The following SLIT3 variants were observed in gnomAD, a reference collection of about 807,000 sequenced individuals.
SLIT3 encodes slit guidance ligand 3.
Under a neutral mutation model 184.0 loss-of-function variants are expected in SLIT3, and 68 were observed. That is an observed-to-expected ratio of 0.37 (90% CI 0.30 to 0.45). The LOEUF (loss-of-function observed/expected upper bound fraction) is 0.45, where lower values mean the gene tolerates loss of function less well. SLIT3 is among the 20% of genes least tolerant of loss of function. The pLI is 1.00. For missense variants in SLIT3, 1,707 were observed against 2,026.0 expected, an observed-to-expected ratio of 0.84 and a Z score of 3.02; for synonymous variants, 831 against 828.6, an observed-to-expected ratio of 1.00 and a Z score of -0.05.
chr5:168,959,724 A>T (rs147276856), intron 4 of SLIT3, among the ~76,000 whole-genome samples: 11 of 151,898 alleles, frequency 7.2e-5, no homozygotes, highest in African/African-American at 1.9e-4. Flanking sequence ...CCAGGCCCCA[A>T]CTCTTTGTCT....
chr5:168,907,325 A>G lies in SLIT3; in HGVS notation c.414-23989T>C, dbSNP rs540867188. On this transcript the variant is annotated intron_variant, in intron 4 of 35. Coordinates refer to ENST00000519560, the MANE Select transcript of SLIT3 (RefSeq NM_003062.4). ...AAGGCCTCACACTGACAGGCTGACCATAAGAGCCTAATTCCTTTCTATCCT... is the reference window on the plus strand; with the variant it reads ...AAGGCCTCACACTGACAGGCTGACCGTAAGAGCCTAATTCCTTTCTATCCT... Among the ~76,000 whole-genome samples the G allele has an allele frequency of 3.3e-5, 5 of 152,364 alleles. No homozygotes were observed. The South Asian group carries it at 8.3e-4, about 25-fold the overall frequency.
chr5:168,923,427 C>T (rs949340423), intron 4 of SLIT3, among the ~76,000 whole-genome samples: 77 of 152,128 alleles, frequency 5.1e-4, no homozygotes, highest in African/African-American at 1.8e-3. Context: ...CTACTCAAAT[C>T]CCTCTGCTTC....
At chr5:168,892,031 T>C (rs1387962983) in intron 4 of SLIT3, among the ~76,000 whole-genome samples, 1 of 152,204 alleles carries the variant, frequency 6.6e-6, no homozygotes. Context: ...CCAGTGAGGA[T>C]GCAGAGACTG....
At chr5:169,226,328 T>C (rs1187172984) in intron 3 of SLIT3, among the ~76,000 whole-genome samples, 1 of 152,062 alleles carries the variant, frequency 6.6e-6, no homozygotes, top group African/African-American at 2.4e-5. Flanking sequence ...CTTCGACTCC[T>C]CTGCAGCCCC....
At chr5:168,783,486 T>A (rs1368870028) in intron 12 of SLIT3, among the ~76,000 whole-genome samples, 1 of 152,134 alleles carries the variant, frequency 6.6e-6, no homozygotes, top group African/African-American at 2.4e-5. Flanking sequence ...ACCGCCAGCA[T>A]CACAGCAAGT....
At chr5:168,907,975 T>TAGAGAGAGAGAG (rs1421951059) in intron 4 of SLIT3, among the ~76,000 whole-genome samples, 18 of 64,646 alleles carry the variant, frequency 2.8e-4, no homozygotes, top group African/African-American at 7.3e-4. Flanking sequence ...TATATATATA[T>TAGAGAGAGAGAG]ATATAGAGAG....
At chr5:169,168,690 A>AC (rs1372423977) in intron 4 of SLIT3, among the ~76,000 whole-genome samples, 3 of 152,200 alleles carry the variant, frequency 2.0e-5, no homozygotes, top group African/African-American at 4.8e-5. Context: ...CGAGATTCAG[A>AC]CCCAGATCTG....
intron 3 of SLIT3, among the ~76,000 whole-genome samples, chr5:169,237,811 A>T (rs1765255770): frequency 6.6e-6 from 1 of 152,176 alleles, no homozygotes; most frequent in Non-Finnish European, 1.5e-5. Context: ...TATTTTGCAT[A>T]TAAATTCTTT....
intron 4 of SLIT3, among the ~76,000 whole-genome samples, chr5:168,979,783 C>T (rs2113351789): frequency 6.6e-6 from 1 of 152,346 alleles, no homozygotes; most frequent in Non-Finnish European, 1.5e-5. Context: ...GTCTCCAGGA[C>T]TCAGGTTCCC....
intron 4 of SLIT3, among the ~76,000 whole-genome samples, chr5:169,173,286 G>A (rs1355344498): frequency 6.6e-6 from 1 of 152,164 alleles, no homozygotes; most frequent in Non-Finnish European, 1.5e-5. Flanking sequence ...ATGAGATTCA[G>A]TTGGATAGCA....
rs1761054441 is a variant in SLIT3, at chr5:168,906,442, G to C, written c.414-23106C>G. On this transcript the variant is annotated intron_variant, in intron 4 of 35. Transcript: ENST00000519560. Reference sequence around the variant, plus strand: ...CTCTGGAAAAGAGTTTAAAATAAGTGAGATTTAGAGCTCAGAGAACGAAAA... The same window carrying C: ...CTCTGGAAAAGAGTTTAAAATAAGTCAGATTTAGAGCTCAGAGAACGAAAA... Among the ~76,000 whole-genome samples, 2 of 152,170 alleles carry C rather than the reference G, an allele frequency of 1.3e-5. 1 individual carries two copies. Among genetic ancestry groups the C allele is most frequent in the South Asian group, 4.1e-4 (2 of 4,822 alleles).
chr5:168,774,455 A>G (rs1755670625), intron 12 of SLIT3, 77 bp from the exon 13 acceptor site: 15 of 1,446,528 alleles, frequency 1.0e-5, no homozygotes, highest in Non-Finnish European at 1.4e-5. Context: ...CCTGCAGGGG[A>G]TGGGCTGCAA....
At chr5:168,910,275 A>G (rs143909269) in intron 4 of SLIT3, among the ~76,000 whole-genome samples, 1 of 152,294 alleles carries the variant, frequency 6.6e-6, no homozygotes, top group African/African-American at 2.4e-5. Flanking sequence ...CATCTTTAAG[A>G]CTCAAGTGTC....
intron 5 of SLIT3, among the ~76,000 whole-genome samples, chr5:168,850,651 C>T (rs948873332): frequency 2.6e-5 from 4 of 152,228 alleles, no homozygotes; most frequent in Non-Finnish European, 5.9e-5. Flanking sequence ...GAATAGCCTG[C>T]TTAGAACTTA....
intron 4 of SLIT3, among the ~76,000 whole-genome samples, chr5:168,976,509 G>A (rs1328063403): frequency 1.3e-5 from 2 of 152,172 alleles, no homozygotes; most frequent in African/African-American, 2.4e-5. Flanking sequence ...AATAAACACA[G>A]AGCTGAGAGT....
intron 16 of SLIT3, among the ~76,000 whole-genome samples, chr5:168,755,933 C>T (rs1754932504): frequency 6.6e-6 from 1 of 152,196 alleles, no homozygotes; most frequent in Non-Finnish European, 1.5e-5. Flanking sequence ...ATGCCTGGCC[C>T]TGGAAAGCAT....
chr5:169,299,845 T>G (rs1322631298), intron 1 of SLIT3, among the ~76,000 whole-genome samples: 2 of 152,138 alleles, frequency 1.3e-5, no homozygotes, highest in African/African-American at 4.8e-5. Context: ...TGTCAGCATT[T>G]CCATTCTCCG....
chr5:168,862,319 T>C (rs1759142021), intron 5 of SLIT3, among the ~76,000 whole-genome samples: 1 of 152,160 alleles, frequency 6.6e-6, no homozygotes, highest in Non-Finnish European at 1.5e-5. Context: ...AAGAACTTGT[T>C]CATGTAACCA....
At chr5:169,275,950 C>T (rs570075028) in intron 1 of SLIT3, among the ~76,000 whole-genome samples, 85 of 152,146 alleles carry the variant, frequency 5.6e-4, no homozygotes, top group African/African-American at 2.0e-3. Context: ...ACTGGTCCCT[C>T]TTGCCAGTGA....
Sources: gnomAD v4.1 joint callset for allele counts (sites outside exome capture counted in the v4.1 genomes callset) on GRCh38, gnomAD v4.1.1 for gene constraint, MANE v1.5 for transcripts, NCBI Gene and HGNC (gene_info 2026-07-23, HGNC 2026-07-21) for gene names.